Variants in ANO5 observed in about 807,000 individuals in gnomAD.
The protein encoded by ANO5 is anoctamin-5.
ANO5 carries 109 observed loss-of-function variants against 121.0 expected under a neutral mutation model. The ratio of observed to expected loss-of-function variants is 0.90; its 90% CI spans 0.77 to 1.06. The LOEUF (loss-of-function observed/expected upper bound fraction) is 1.06. Ranked by LOEUF, ANO5 falls within the 50% of genes least tolerant of loss-of-function variation. The pLI, the probability that ANO5 is intolerant of heterozygous loss-of-function variation, is 0.00. For synonymous variants in ANO5, 406 were observed against 359.9 expected (o/e 1.13, Z -1.45); for missense variants, 1,064 against 1,078.5 (o/e 0.99, Z 0.19).
intron 3 of ANO5, among the ~76,000 whole-genome samples, chr11:22,213,555 T>A (rs1226954835): frequency 6.6e-6 from 1 of 151,954 alleles, no homozygotes; most frequent in Non-Finnish European, 1.5e-5. Flanking sequence ...TTAATCACCC[T>A]TAATGTTTTA....
rs1590342073 is a variant in ANO5 at position 22,279,948 on chromosome 11, C to G, written c.*183C>G. 1.7e-6 allele frequency: 1 copy of G among 596,028 alleles called. No individual in the cohort carries two copies. The highest frequency in any genetic ancestry group is 1.9e-5 in the African/African-American group (1 of 52,786). 36.9% of individuals were successfully genotyped at this position (596,028 alleles called of 1,614,324 possible). On this transcript the variant is annotated 3_prime_UTR_variant, in exon 22 of 22. Transcript: ENST00000324559. ...CCAACTTTGTGATGTTGGAAATGTACTACTTCTCTGCTTCATTGACTGGGC... is the reference window on the plus strand; with the variant it reads ...CCAACTTTGTGATGTTGGAAATGTAGTACTTCTCTGCTTCATTGACTGGGC...
intron 3 of ANO5, among the ~76,000 whole-genome samples, chr11:22,212,991 G>C (rs987769222): frequency 6.6e-6 from 1 of 150,970 alleles, no homozygotes. Flanking sequence ...TCACTATGTT[G>C]ACATTGTCTT....
intron 2 of ANO5, among the ~76,000 whole-genome samples, chr11:22,206,870 A>C (rs1174692250): frequency 6.6e-6 from 1 of 152,090 alleles, no homozygotes; most frequent in Non-Finnish European, 1.5e-5. Flanking sequence ...GTCCTCACTT[A>C]CCCTTCTCAT....
At chr11:22,215,930 C>CAAT (rs1395936093) in intron 3 of ANO5, among the ~76,000 whole-genome samples, 1 of 151,726 alleles carries the variant, frequency 6.6e-6, no homozygotes, top group Non-Finnish European at 1.5e-5. Context: ...TGCTTTTGCT[C>CAAT]GTCACAATGT....
At chr11:22,218,466 A>G (rs1043523120) in intron 4 of ANO5, among the ~76,000 whole-genome samples, 179 bp downstream of exon 4, 2 of 152,096 alleles carry the variant, frequency 1.3e-5, no homozygotes, top group African/African-American at 4.8e-5. Flanking sequence ...GATTAAATCT[A>G]TAGATCCTCT....
chr11:22,239,824 G>A (rs1853366366), intron 9 of ANO5, 140 bp downstream of exon 9: 1 of 682,740 alleles, frequency 1.5e-6, no homozygotes, highest in South Asian at 1.6e-5. Context: ...CTATAAATTA[G>A]CAATTCATTT....
At position 22,283,314 on chromosome 11, in the gene ANO5, G is replaced by C. The variant is rs1268017807; in HGVS notation, c.*3549G>C. 1 of 152,112 alleles carries C rather than the reference G, an allele frequency of 6.6e-6. No individual in the cohort carries two copies. The highest frequency in any genetic ancestry group is 1.5e-5 in the Non-Finnish European group (1 of 68,008). 9.4% of individuals were successfully genotyped at this position (152,112 alleles called of 1,614,324 possible). A position where few individuals can be genotyped will look rare whatever the true frequency, so the allele number is the denominator to read the frequency against. On this transcript the variant is annotated 3_prime_UTR_variant, in exon 22 of 22. Coordinates refer to ENST00000324559, the MANE Select transcript of ANO5 (RefSeq NM_213599.3). ...AATAATGTGTACATAAATCTCAAGA[G>C]AATCAAATTCACAGAGTGAATAAAG...
chr11:22,259,633 C>CT lies in ANO5; in HGVS notation c.1524dup (p.Thr509TyrfsTer26). Reference sequence around the variant, plus strand: ...ATCCTTAAAGCAGGTCAAAAGCTTCCTTACTCCTCAGATAACCACATCACT... The same window carrying CT: ...ATCCTTAAAGCAGGTCAAAAGCTTCCTTTACTCCTCAGATAACCACATCACT... On this transcript the variant is annotated frameshift_variant, in exon 15 of 22. Transcript: ENST00000324559. LOFTEE classifies it high-confidence loss of function. The CT allele has an allele frequency of 6.2e-7, 1 of 1,614,042 alleles. No homozygotes were observed. Among genetic ancestry groups the CT allele is most frequent in the Non-Finnish European group, 8.5e-7 (1 of 1,179,972 alleles).
At chr11:22,249,141 T>C (rs1419475422) in intron 9 of ANO5, among the ~76,000 whole-genome samples, 1 of 151,956 alleles carries the variant, frequency 6.6e-6, no homozygotes, top group Non-Finnish European at 1.5e-5. Flanking sequence ...ATGTTCATCA[T>C]CACTGAAAAG....
At position 22,279,764 on chromosome 11, in the gene ANO5, A is replaced by C; in HGVS notation, c.2741A>C (p.Ter914SerextTer3). The C allele has an allele frequency of 2.5e-6, 4 of 1,610,680 alleles. No homozygotes were observed. The highest frequency in any genetic ancestry group is 3.4e-6 in the Non-Finnish European group (4 of 1,177,716). ...GCACAGCTGGCTAAATCAACACTCT[A>C]ATCAGTATAGTGAGGAAGCAGCAGG... Reference protein sequence around the residue: ...NKAQLAKSTL* With the variant: ...NKAQLAKSTLS The change falls in exon 22 of 22, where the codon TAA (stop) becomes TCA (serine). Residue 914 changes from the stop codon to serine (S), a stop_lost. Transcript: ENST00000324559.
chr11:22,246,069 C>T (rs558950654), intron 9 of ANO5, among the ~76,000 whole-genome samples: 23 of 152,232 alleles, frequency 1.5e-4, no homozygotes, highest in Admixed American at 3.9e-4. Context: ...TTCATTTCTA[C>T]GAGATTCTAA....
chr11:22,283,330 G>A lies in ANO5; in HGVS notation c.*3565G>A, dbSNP rs895346042. 1 of 152,144 alleles carries A rather than the reference G, an allele frequency of 6.6e-6. No homozygotes were observed. Among genetic ancestry groups the A allele is most frequent in the Non-Finnish European group, 1.5e-5 (1 of 68,028 alleles). The allele number at this position is 152,144 out of a possible 1,614,324, so 9.4% of individuals were successfully genotyped here. A position where few individuals can be genotyped will look rare whatever the true frequency, so the allele number is the denominator to read the frequency against. ...ATCTCAAGAGAATCAAATTCACAGA[G>A]TGAATAAAGTAATAATATTAAACTA... On this transcript the variant is annotated 3_prime_UTR_variant, in exon 22 of 22. Coordinates refer to ENST00000324559, the MANE Select transcript of ANO5 (RefSeq NM_213599.3).
At chr11:22,239,377 T>C (rs552652923) in intron 8 of ANO5, among the ~76,000 whole-genome samples, 192 bp from the exon 9 acceptor site, 153 of 152,176 alleles carry the variant, frequency 1.0e-3, no homozygotes, top group African/African-American at 3.4e-3. Flanking sequence ...CATTTTGAGA[T>C]AGCTTTGTGT....
intron 1 of ANO5, among the ~76,000 whole-genome samples, chr11:22,200,698 T>C (rs1851940354): frequency 6.6e-6 from 1 of 152,118 alleles, no homozygotes; most frequent in Non-Finnish European, 1.5e-5. Context: ...AGTGCAAACG[T>C]CAACAGAATG....
At chr11:22,216,567 A>G (rs572373660) in intron 3 of ANO5, among the ~76,000 whole-genome samples, 1 of 151,902 alleles carries the variant, frequency 6.6e-6, no homozygotes, top group East Asian at 1.9e-4. Context: ...GACTTGTAAG[A>G]GTTGTTTATG....
chr11:22,226,127 A>G, intron 6 of ANO5, 75 bp downstream of exon 6: 1 of 1,241,848 alleles, frequency 8.1e-7, no homozygotes, highest in South Asian at 1.2e-5. Flanking sequence ...CTTTGCCTGG[A>G]TAGACTCTGT....
intron 4 of ANO5, among the ~76,000 whole-genome samples, chr11:22,219,160 G>A (rs1192899021): frequency 6.6e-6 from 1 of 151,966 alleles, no homozygotes. Flanking sequence ...GGCTCCCAGT[G>A]ATTTTTTTCC....
chr11:22,240,378 C>G (rs1226606355), intron 9 of ANO5, among the ~76,000 whole-genome samples: 1 of 151,914 alleles, frequency 6.6e-6, no homozygotes, highest in Non-Finnish European at 1.5e-5. Context: ...CTACTATAGG[C>G]AGTGTTTTTT....
Position 22,223,881 on chromosome 11 carries a change from A to AT in ANO5, c.295-2095dup, listed in dbSNP as rs138475848. 5.3e-3 allele frequency among the ~76,000 whole-genome samples: 800 copies of AT among 151,510 alleles called. 2 individuals are homozygous for AT. The highest frequency in any genetic ancestry group is 9.0e-3 in the Non-Finnish European group (609 of 67,824). ...TTTTCCTATTAGCTACTATTTCTCT[A>AT]TTTTTTTTCTTTTCAATTATATATT... On this transcript the variant is annotated intron_variant, in intron 5 of 21. Transcript: ENST00000324559.
Sources: allele counts gnomAD v4.1 joint callset (sites outside exome capture counted in the v4.1 genomes callset), GRCh38; gene constraint gnomAD v4.1.1; transcripts MANE v1.5; gene names NCBI Gene and HGNC (gene_info 2026-07-23, HGNC 2026-07-21).